NHSL1: variants seen among roughly 807,000 people sequenced by gnomAD.
NHSL1 encodes NHS-like protein 1.
In NHSL1, 48 loss-of-function variants were observed where a neutral mutation model predicts 95.0. The ratio of observed to expected loss-of-function variants is 0.51; its 90% CI spans 0.40 to 0.64. NHSL1 has a LOEUF of 0.64. Ranked by LOEUF, NHSL1 falls within the 30% of genes least tolerant of loss-of-function variation. NHSL1 has a pLI of 0.00. For missense variants in NHSL1, 1,971 were observed against 2,077.7 expected (o/e 0.95, Z 1.00); for synonymous variants, 783 against 833.9 (o/e 0.94, Z 1.05).
chr6:138,660,185 TAC>T (rs1395897048), intron 1 of NHSL1, among the ~76,000 whole-genome samples: 1 of 152,216 alleles, frequency 6.6e-6, no homozygotes, highest in African/African-American at 2.4e-5. Context: ...GAAATACACC[TAC>T]GTAGTTCCTT....
chr6:138,506,103 A>C (rs532718607), intron 1 of NHSL1, among the ~76,000 whole-genome samples: 1 of 152,332 alleles, frequency 6.6e-6, no homozygotes, highest in East Asian at 1.9e-4. Flanking sequence ...GGCCAATAAA[A>C]TAAAATGTAC....
chr6:138,641,622 C>CAAAAAAAAAAA (rs771307557), intron 1 of NHSL1, among the ~76,000 whole-genome samples: 1 of 76,462 alleles, frequency 1.3e-5, no homozygotes, highest in African/African-American at 4.7e-5. Flanking sequence ...GACTCCGTCT[C>CAAAAAAAAAAA]AAAAAAAAAA....
intron 5 of NHSL1, among the ~76,000 whole-genome samples, chr6:138,434,004 C>T (rs1209102293): frequency 1.3e-5 from 2 of 152,162 alleles, no homozygotes; most frequent in African/African-American, 4.8e-5. Context: ...AATCACCTTT[C>T]AGTAAAGTCT....
intron 4 of NHSL1, 172 bp downstream of exon 4, chr6:138,446,829 T>A (rs1776892864): frequency 1.6e-6 from 1 of 637,548 alleles, no homozygotes; most frequent in African/African-American, 1.8e-5. Flanking sequence ...AGTAGACATT[T>A]TATATGCACA....
At chr6:138,547,884 TA>T (rs1472511082), upstream of NHSL1, among the ~76,000 whole-genome samples, 2 of 152,252 alleles carry the variant, frequency 1.3e-5, no homozygotes, top group African/African-American at 4.8e-5. Flanking sequence ...CTCTCCCATG[TA>T]ATTTACGAAT....
chr6:138,598,483 T>A (rs1784330136), intron 1 of NHSL1, among the ~76,000 whole-genome samples: 1 of 150,640 alleles, frequency 6.6e-6, no homozygotes, highest in Non-Finnish European at 1.5e-5. Flanking sequence ...TAGCCAGATG[T>A]GGTGGTGCAC....
At chr6:138,641,164 G>T (rs930303843) in intron 1 of NHSL1, among the ~76,000 whole-genome samples, 1 of 152,266 alleles carries the variant, frequency 6.6e-6, no homozygotes, top group Middle Eastern at 3.4e-3. Context: ...TTAGCCAGGC[G>T]TGGTGGCATG....
At chr6:138,660,172 G>A (rs1785209034) in intron 1 of NHSL1, among the ~76,000 whole-genome samples, 1 of 152,208 alleles carries the variant, frequency 6.6e-6, no homozygotes, top group African/African-American at 2.4e-5. Context: ...CAGCTAGCAG[G>A]AGGAAATACA....
chr6:138,461,063 T>C (rs1777966484), intron 3 of NHSL1, among the ~76,000 whole-genome samples: 1 of 152,172 alleles, frequency 6.6e-6, no homozygotes, highest in Middle Eastern at 3.4e-3. Context: ...AAGAAAAGAA[T>C]TGAGACCAGG....
At chr6:138,462,157 GA>G (rs761854795) in intron 3 of NHSL1, among the ~76,000 whole-genome samples, 115 of 152,358 alleles carry the variant, frequency 7.5e-4, no homozygotes, top group Non-Finnish European at 1.3e-3. Context: ...TGCTATAAAA[GA>G]ATATCTGAGA....
At position 138,596,311 on chromosome 6, in the gene NHSL1, G is replaced by A. The variant is rs371462182; in HGVS notation, c.96+96165C>T. Among the ~76,000 whole-genome samples, 49 of 152,244 alleles carry A rather than the reference G, an allele frequency of 3.2e-4. No individual in the cohort carries two copies. In the South Asian group the frequency reaches 3.5e-3, roughly 11 times the overall value. ...AGGGTTCCCATCCACCAGCACTGAC[G>A]CTACTTGGCAGTTTTGAATAAACAA... On this transcript the variant is annotated intron_variant, in intron 1 of 3. Coordinates refer to the NHSL1 transcript ENST00000491526.
At chr6:138,682,075 A>G (rs1340390124) in intron 1 of NHSL1, among the ~76,000 whole-genome samples, 1 of 151,068 alleles carries the variant, frequency 6.6e-6, no homozygotes, top group Admixed American at 6.6e-5. Context: ...TCCACCTCCC[A>G]GGTTCAAGCA....
At chr6:138,498,749 C>A (rs1156572156) in intron 1 of NHSL1, among the ~76,000 whole-genome samples, 1 of 152,124 alleles carries the variant, frequency 6.6e-6, no homozygotes, top group African/African-American at 2.4e-5. Context: ...AAATACACAA[C>A]AAAGAGTGCC....
intron 1 of NHSL1, among the ~76,000 whole-genome samples, chr6:138,658,109 T>C (rs1201312539): frequency 1.3e-5 from 2 of 152,170 alleles, no homozygotes; most frequent in African/African-American, 2.4e-5. Context: ...AATGAGGCTA[T>C]AGGAGTCTCT....
At chr6:138,617,773 G>T (rs1302528182) in intron 1 of NHSL1, among the ~76,000 whole-genome samples, 2 of 152,232 alleles carry the variant, frequency 1.3e-5, no homozygotes, top group Non-Finnish European at 2.9e-5. Flanking sequence ...ACTCCTGGAG[G>T]ACAGGCTGAG....
intron 1 of NHSL1, among the ~76,000 whole-genome samples, chr6:138,646,737 G>A (rs1238206389): frequency 6.6e-6 from 1 of 152,136 alleles, no homozygotes. Flanking sequence ...AAATGTGAGG[G>A]TCTGTCCTCC....
intron 1 of NHSL1, among the ~76,000 whole-genome samples, chr6:138,555,608 C>A (rs1047931385): frequency 6.6e-6 from 1 of 152,222 alleles, no homozygotes; most frequent in South Asian, 2.1e-4. Context: ...TGTTCTTGTG[C>A]GGAATAAAAG....
At chr6:138,503,041 T>A (rs1293070734), upstream of NHSL1, among the ~76,000 whole-genome samples, 1 of 152,212 alleles carries the variant, frequency 6.6e-6, no homozygotes, top group African/African-American at 2.4e-5. Flanking sequence ...CTATACCCCC[T>A]GCTTCCAATT....
intron 1 of NHSL1, among the ~76,000 whole-genome samples, chr6:138,674,569 G>A (rs771507660): frequency 9.9e-5 from 15 of 152,102 alleles, no homozygotes; most frequent in Non-Finnish European, 1.6e-4. Flanking sequence ...AACATACAGC[G>A]TTTGGTTTTC....
Sources: gnomAD v4.1 joint callset for allele counts (sites outside exome capture counted in the v4.1 genomes callset) on GRCh38, gnomAD v4.1.1 for gene constraint, MANE v1.5 for transcripts, NCBI Gene and HGNC (gene_info 2026-07-23, HGNC 2026-07-21) for gene names.